Variants in SRBD1 observed in about 807,000 individuals in gnomAD.
SRBD1 encodes S1 RNA-binding domain-containing protein 1.
Under a neutral mutation model 115.3 loss-of-function variants are expected in SRBD1, and 88 were observed. The observed-to-expected ratio is 0.76, with a 90% CI of 0.64 to 0.91. The LOEUF is 0.91. SRBD1 is among the 40% of genes least tolerant of loss of function. The probability of loss-of-function intolerance (pLI) is 0.00; values close to 1 mark genes in which losing one functional copy is unlikely to be tolerated. For missense variants in SRBD1, 1,385 were observed against 1,177.4 expected (o/e 1.18, Z -2.58); for synonymous variants, 509 against 407.7 (o/e 1.25, Z -2.99).
intron 15 of SRBD1, among the ~76,000 whole-genome samples, chr2:45,486,543 T>C (rs1160940450): frequency 2.6e-5 from 4 of 151,884 alleles, no homozygotes; most frequent in Admixed American, 2.0e-4. Context: ...CTGGTTAACA[T>C]GGTGAAACCT....
At chr2:45,431,193 C>T (rs539895178) in intron 16 of SRBD1, among the ~76,000 whole-genome samples, 3 of 152,286 alleles carry the variant, frequency 2.0e-5, no homozygotes, top group Admixed American at 2.0e-4. Context: ...CACTTTAACG[C>T]TGTTGGTGGG....
In SRBD1 at chr2:45,543,641, C is replaced by T. The variant is rs1019226388; in HGVS notation, c.1874+3091G>A. ...AGAAAACATGGTTTTCTCAAACAGG[C>T]ACTTTGAATTGGCAAAATGATAATA... On this transcript the variant is annotated intron_variant, in intron 14 of 20. Transcript: ENST00000263736. Among the ~76,000 whole-genome samples the T allele has an allele frequency of 2.4e-5, 3 of 123,264 alleles. No homozygotes were observed. In the Admixed American group the frequency reaches 2.5e-4, roughly 10 times the overall value. The allele number at this position is 123,264 out of a possible 152,430, so 80.9% of individuals were successfully genotyped here. A position where few individuals can be genotyped will look rare whatever the true frequency, so the allele number is the denominator to read the frequency against.
intron 19 of SRBD1, among the ~76,000 whole-genome samples, chr2:45,395,382 G>C (rs1667115818): frequency 6.6e-6 from 1 of 152,160 alleles, no homozygotes; most frequent in Non-Finnish European, 1.5e-5. Context: ...GTGTGAGACA[G>C]AGAGAGAGGG....
chr2:45,442,675 C>G (rs921955350), intron 16 of SRBD1, among the ~76,000 whole-genome samples: 9 of 152,186 alleles, frequency 5.9e-5, no homozygotes, highest in East Asian at 1.9e-4. Context: ...CTTATTCATT[C>G]TCAACCCATC....
chr2:45,559,419 C>T (rs953065744), intron 10 of SRBD1, among the ~76,000 whole-genome samples: 15 of 152,206 alleles, frequency 9.9e-5, no homozygotes, highest in Admixed American at 2.0e-4. Flanking sequence ...CCACACTACT[C>T]AGGGCTCTGT....
chr2:45,468,976 A>T (rs1331372821), intron 16 of SRBD1, among the ~76,000 whole-genome samples: 1 of 151,936 alleles, frequency 6.6e-6, no homozygotes, highest in Non-Finnish European at 1.5e-5. Context: ...AGAGAGAGAA[A>T]TTTTTTCATA....
chr2:45,554,176 A>G (rs1212154318), intron 10 of SRBD1, among the ~76,000 whole-genome samples: 2 of 152,182 alleles, frequency 1.3e-5, no homozygotes, highest in African/African-American at 4.8e-5. Flanking sequence ...CAGTGCCCTG[A>G]TAAGAAGAGA....
intron 4 of SRBD1, among the ~76,000 whole-genome samples, chr2:45,594,115 T>C (rs1673814206): frequency 6.6e-6 from 1 of 152,194 alleles, no homozygotes; most frequent in Admixed American, 6.5e-5. Flanking sequence ...CCTGGACAAA[T>C]AGGTTAAACC....
intron 14 of SRBD1, among the ~76,000 whole-genome samples, chr2:45,515,220 G>C (rs1049136791): frequency 6.6e-6 from 1 of 152,092 alleles, no homozygotes; most frequent in Non-Finnish European, 1.5e-5. Context: ...CAGTTTCTAT[G>C]GTCAGACACT....
chr2:45,450,745 T>A (rs2103741112), intron 16 of SRBD1, among the ~76,000 whole-genome samples: 2 of 152,248 alleles, frequency 1.3e-5, no homozygotes, highest in Admixed American at 1.3e-4. Flanking sequence ...AAGTGCCCTA[T>A]CTTGGCTGAG....
chr2:45,453,083 T>A (rs1230757288), intron 16 of SRBD1, among the ~76,000 whole-genome samples: 1 of 151,822 alleles, frequency 6.6e-6, no homozygotes, highest in African/African-American at 2.4e-5. Flanking sequence ...TGTGAAAGAA[T>A]TCTAGCAGGG....
chr2:45,592,251 T>G (rs561199142), intron 4 of SRBD1, among the ~76,000 whole-genome samples: 4 of 152,074 alleles, frequency 2.6e-5, no homozygotes, highest in Non-Finnish European at 4.4e-5. Flanking sequence ...GTCAGCAGCA[T>G]GAAAACAGAC....
At chr2:45,432,131 G>A (rs1464468289) in intron 16 of SRBD1, among the ~76,000 whole-genome samples, 1 of 152,162 alleles carries the variant, frequency 6.6e-6, no homozygotes, top group East Asian at 1.9e-4. Context: ...CCAGGTTCAA[G>A]TGGTTCTCCC....
intron 14 of SRBD1, among the ~76,000 whole-genome samples, chr2:45,542,962 T>G (rs1671993746): frequency 6.6e-6 from 1 of 152,232 alleles, no homozygotes; most frequent in African/African-American, 2.4e-5. Flanking sequence ...CACTGTATGA[T>G]TTCATTATGT....
At chr2:45,480,021 C>A (rs1033293882) in intron 15 of SRBD1, among the ~76,000 whole-genome samples, 2 of 152,090 alleles carry the variant, frequency 1.3e-5, no homozygotes, top group Non-Finnish European at 2.9e-5. Context: ...TGCACGATGG[C>A]ACATATGTTT....
intron 14 of SRBD1, among the ~76,000 whole-genome samples, chr2:45,511,161 C>T (rs1463144896): frequency 6.6e-6 from 1 of 152,190 alleles, no homozygotes; most frequent in Non-Finnish European, 1.5e-5. Flanking sequence ...TAAAATCTAC[C>T]ACCAATCATT....
intron 14 of SRBD1, among the ~76,000 whole-genome samples, chr2:45,535,204 A>C (rs1338882910): frequency 6.6e-6 from 1 of 152,004 alleles, no homozygotes; most frequent in Non-Finnish European, 1.5e-5. Flanking sequence ...CACATTAGCT[A>C]ATCAACATCT....
chr2:45,609,447 T>G (rs1440684242), intron 1 of SRBD1, among the ~76,000 whole-genome samples: 1 of 152,184 alleles, frequency 6.6e-6, no homozygotes, highest in East Asian at 1.9e-4. Context: ...CTCTTGCCCC[T>G]GCAACTCATT....
intron 16 of SRBD1, among the ~76,000 whole-genome samples, chr2:45,427,181 G>C (rs1668179773): frequency 1.3e-5 from 2 of 148,336 alleles, no homozygotes; most frequent in Admixed American, 1.3e-4. Flanking sequence ...GTTTAGAGAA[G>C]AACATAAATG....
Sources: gnomAD v4.1 joint callset for allele counts (sites outside exome capture counted in the v4.1 genomes callset) on GRCh38, gnomAD v4.1.1 for gene constraint, MANE v1.5 for transcripts, NCBI Gene and HGNC (gene_info 2026-07-23, HGNC 2026-07-21) for gene names.